Variants in AGRN observed in about 807,000 individuals in gnomAD.
AGRN encodes agrin.
In AGRN, 106 loss-of-function variants were observed where a neutral mutation model predicts 211.0. That is an observed-to-expected ratio of 0.50 (90% CI 0.43 to 0.59). The LOEUF (loss-of-function observed/expected upper bound fraction) is 0.59. Ranked by LOEUF, AGRN falls within the 20% of genes least tolerant of loss-of-function variation. AGRN has a pLI of 0.00. For synonymous variants in AGRN, 1,525 were observed against 1,332.5 expected (o/e 1.14, Z -3.15); for missense variants, 3,040 against 2,982.6 (o/e 1.02, Z -0.45).
chr1:1,049,306 C>G lies in AGRN; in HGVS notation c.4369C>G (p.Leu1457Val). 1 of 1,597,348 alleles carries G rather than the reference C, an allele frequency of 6.3e-7. No individual in the cohort carries two copies. The highest frequency in any genetic ancestry group is 8.5e-7 in the Non-Finnish European group (1 of 1,179,028). Reference sequence around the variant, plus strand: ...GGTAGAGCCGGGCCAGTGGCACCGCCTGGAGCTGTCCCGGCACTGGCGCCG... The same window carrying G: ...GGTAGAGCCGGGCCAGTGGCACCGCGTGGAGCTGTCCCGGCACTGGCGCCG... ...VPVEPGQWHR[L>V]ELSRHWRRGT... is the part of the protein sequence containing the mutation. The change falls in exon 25 of 36, where the codon CTG becomes GTG. Residue 1457 changes from leucine (L) to valine (V), a missense_variant. This residue lies in a region of AGRN where 1,537 missense variants were observed against 1,505.0 expected (regional missense o/e 1.02). Coordinates refer to ENST00000379370, the MANE Select transcript of AGRN (RefSeq NM_198576.4).
rs747897478 is a variant in AGRN, at chr1:1,044,265, C to G, written c.2148+8C>G. 6.8e-5 allele frequency: 109 copies of G among 1,612,692 alleles called. No individual in the cohort carries two copies. The highest frequency in any genetic ancestry group is 9.1e-5 in the Non-Finnish European group (107 of 1,179,876). ...AGTGTCCCAGGCAGCCCGGTGAGCTCTGTACCCCTGGCTCTCGGCGGGCGG... is the reference window on the plus strand; with the variant it reads ...AGTGTCCCAGGCAGCCCGGTGAGCTGTGTACCCCTGGCTCTCGGCGGGCGG... On this transcript the variant is annotated splice_region_variant and intron_variant, in intron 11 of 35. Transcript: ENST00000379370.
At chr1:1,052,754 T>C (rs1457084434) in intron 33 of AGRN, 1 of 152,372 alleles carries the variant, frequency 6.6e-6, no homozygotes, top group Non-Finnish European at 1.4e-5. Context: ...TGTGTGTGCA[T>C]GGGTCCATGT....
rs766586373 is a variant in AGRN, at chr1:1,041,539, G to A, written c.1014G>A (p.Arg338=). The change falls in exon 6 of 36, where the codon CGG becomes CGA. Residue 338 remains arginine (R), a synonymous_variant. Transcript: ENST00000379370. ...SRSCRVNPRT[R]RPEMLLRPES... is the part of the protein sequence containing the mutation. ...GCTGCCGTGTGAACCCGCGCACGCG[G>A]CGCCCTGAGATGCTCCTACGGCCCG... 4.4e-6 allele frequency: 7 copies of A among 1,606,020 alleles called. No homozygotes were observed. Among genetic ancestry groups the A allele is most frequent in the South Asian group, 1.1e-5 (1 of 90,942 alleles).
intron 2 of AGRN, among the ~76,000 whole-genome samples, chr1:1,030,997 AGT>A (rs1234455827): frequency 4.9e-5 from 3 of 61,056 alleles, no homozygotes; most frequent in South Asian, 7.3e-4. Flanking sequence ...CATGGTGCTG[AGT>A]GTGAGATCAG....
At chr1:1,028,485 C>T (rs1251700960) in intron 2 of AGRN, among the ~76,000 whole-genome samples, 5 of 147,122 alleles carry the variant, frequency 3.4e-5, no homozygotes, top group Non-Finnish European at 7.7e-5. Context: ...GCCAAGGGCG[C>T]CCACACCCAC....
rs1371530969 is a variant in AGRN, at chr1:1,049,224, T to C, written c.4299-12T>C. 16 of 1,567,808 alleles carry C rather than the reference T, an allele frequency of 1.0e-5. No individual in the cohort carries two copies. The highest frequency in any genetic ancestry group is 1.2e-5 in the Non-Finnish European group (14 of 1,163,754). Reference sequence around the variant, plus strand: ...CCGGGCGATGGTCCTGAGCACCTGCTCCTGCCCTCAGGTTTGACACAGGTT... The same window carrying C: ...CCGGGCGATGGTCCTGAGCACCTGCCCCTGCCCTCAGGTTTGACACAGGTT... On this transcript the variant is annotated splice_polypyrimidine_tract_variant and intron_variant, in intron 24 of 35. Coordinates refer to ENST00000379370, the MANE Select transcript of AGRN (RefSeq NM_198576.4).
intron 3 of AGRN, among the ~76,000 whole-genome samples, chr1:1,035,712 C>G (rs957690276): frequency 2.0e-5 from 3 of 152,124 alleles, no homozygotes; most frequent in Admixed American, 1.3e-4. Flanking sequence ...TGGACAGAGG[C>G]TGGAAGTGGA....
At chr1:1,054,801 G>A in intron 35 of AGRN, 23 bp from the exon 36 acceptor site, 3 of 1,548,084 alleles carry the variant, frequency 1.9e-6, no homozygotes, top group Non-Finnish European at 2.6e-6. Context: ...ACAGCCGGGT[G>A]ACTCCCACTG....
chr1:1,050,630 T>TGGCCCGGGGCCGGGGCACC (rs1553178045), intron 29 of AGRN, 39 bp downstream of exon 29: 6 of 1,604,028 alleles, frequency 3.7e-6, no homozygotes, highest in African/African-American at 1.3e-5. Context: ...CCTGGGGCAC[T>TGGCCCGGGGCCGGGGCACC]GGCCCGGGGC....
chr1:1,026,521 G>C (rs1644524514), intron 2 of AGRN, among the ~76,000 whole-genome samples: 1 of 152,174 alleles, frequency 6.6e-6, no homozygotes, highest in Non-Finnish European at 1.5e-5. Context: ...CACTGCAGGA[G>C]GGTGGAAAAC....
chr1:1,023,756 C>T (rs765058824), intron 2 of AGRN, among the ~76,000 whole-genome samples: 41 of 152,148 alleles, frequency 2.7e-4, no homozygotes, highest in Admixed American at 3.9e-4. Flanking sequence ...CCCGGCTGAA[C>T]GAGGCTCTGC....
At chr1:1,033,599 A>C (rs1380366501) in intron 2 of AGRN, among the ~76,000 whole-genome samples, 7 of 117,048 alleles carry the variant, frequency 6.0e-5, no homozygotes, top group Admixed American at 3.3e-4. Flanking sequence ...ACTCAATCCC[A>C]GTTGAACGCC....
Position 1,055,657 on chromosome 1 carries a change from G to A in AGRN, c.*676G>A, listed in dbSNP as rs746419910. 4.4e-5 allele frequency: 7 copies of A among 159,346 alleles called. No homozygotes were observed. The highest frequency in any genetic ancestry group is 8.3e-5 in the Non-Finnish European group (6 of 72,146). The allele number at this position is 159,346 out of a possible 1,614,324, so 9.9% of individuals were successfully genotyped here. On this transcript the variant is annotated 3_prime_UTR_variant, in exon 36 of 36. Transcript: ENST00000379370. ...GCCCTGCGAGGGGCTATCGAGAGGA[G>A]CTCACTGTGGGATGGGGTTGACCTC... is the stretch of plus-strand genomic sequence containing the variant.
At chr1:1,034,315 G>C (rs1249777232) in intron 2 of AGRN, 1 of 985,272 alleles carries the variant, frequency 1.0e-6, no homozygotes, top group Non-Finnish European at 1.2e-6. Context: ...GCCTACCTCG[G>C]AGCCCACATT....
At chr1:1,030,786 T>C (rs1364272551) in intron 2 of AGRN, among the ~76,000 whole-genome samples, 1 of 96,622 alleles carries the variant, frequency 1.0e-5, no homozygotes, top group Non-Finnish European at 2.1e-5. Flanking sequence ...TGTGTGTGTG[T>C]GCAGTGCATG....
At position 1,053,930 on chromosome 1, in the gene AGRN, C is replaced by A; in HGVS notation, c.5829C>A (p.Ser1943=). ...NLGSQPVVLR[S]TVPVNTNRWL... is the part of the protein sequence containing the mutation. The stretch of plus-strand genomic sequence containing the variant: ...GCTCCCAGCCCGTGGTGCTGCGTTC[C>A]ACCGTGCCCGTCAACACCAACCGCT... Residue 1943 remains serine (S), a synonymous_variant, in exon 34 of 36, where the codon TCC becomes TCA. Coordinates refer to ENST00000379370, the MANE Select transcript of AGRN (RefSeq NM_198576.4). 3 of 1,605,242 alleles carry A rather than the reference C, an allele frequency of 1.9e-6. No homozygotes were observed. The highest frequency in any genetic ancestry group is 2.2e-5 in the East Asian group (1 of 44,556).
intron 14 of AGRN, 64 bp from the exon 15 acceptor site, chr1:1,045,669 C>G (rs1469698532): frequency 6.2e-7 from 1 of 1,612,346 alleles, no homozygotes; most frequent in Admixed American, 1.7e-5. Context: ...GGACCAGGCT[C>G]TGGAGGAGGT....
intron 2 of AGRN, among the ~76,000 whole-genome samples, chr1:1,033,289 C>T (rs1218794033): frequency 6.6e-6 from 1 of 152,040 alleles, no homozygotes; most frequent in South Asian, 2.1e-4. Context: ...CCCTCCAGCT[C>T]GCGCCGCACC....
chr1:1,050,233 C>T lies in AGRN; in HGVS notation c.4880C>T (p.Ala1627Val), dbSNP rs778225564. Residue 1627 changes from alanine to valine, a missense_variant and splice_region_variant, in exon 28 of 36, where the codon GCC (alanine) becomes GTC (valine). Physicochemically the swap from Ala to Val is moderately conservative, Grantham distance 64. This residue lies in a region of AGRN where 1,537 missense variants were observed against 1,505.0 expected (regional missense o/e 1.02). Coordinates refer to ENST00000379370, the MANE Select transcript of AGRN (RefSeq NM_198576.4). ...GAGGCCTTGGTGACTCTCCCTACAG[C>T]CTCGGGGCAGGACGGCTCTGGGCCC... is the stretch of plus-strand genomic sequence containing the variant. Reference protein sequence around the residue: ...LGREGTFCQTASGQDGSGPFL... With the variant: ...LGREGTFCQTVSGQDGSGPFL... 2.4e-5 allele frequency: 38 copies of T among 1,612,932 alleles called. No homozygotes were observed. The highest frequency in any genetic ancestry group is 3.1e-5 in the Non-Finnish European group (36 of 1,179,916).
Sources: gnomAD v4.1 joint callset for allele counts (sites outside exome capture counted in the v4.1 genomes callset) on GRCh38, gnomAD v4.1.1 for gene constraint, gnomAD v4.1.1 regional missense constraint, MANE v1.5 for transcripts, NCBI Gene and HGNC (gene_info 2026-07-23, HGNC 2026-07-21) for gene names.